The following POLE2 variants were observed in gnomAD, a reference collection of about 807,000 sequenced individuals.
POLE2 encodes DNA polymerase epsilon subunit 2.
POLE2 carries 56 observed loss-of-function variants against 79.4 expected under a neutral mutation model. The observed-to-expected ratio is 0.71, with a 90% confidence interval of 0.57 to 0.88. The LOEUF (loss-of-function observed/expected upper bound fraction) is 0.88, where lower values mean the gene tolerates loss of function less well. Ranked by LOEUF, POLE2 falls within the 40% of genes least tolerant of loss-of-function variation. The probability of loss-of-function intolerance (pLI) is 0.00; values close to 1 mark genes in which losing one functional copy is unlikely to be tolerated. For missense variants in POLE2, 598 were observed against 638.9 expected (o/e 0.94, Z 0.69); for synonymous variants, 212 against 214.0 (o/e 0.99, Z 0.08).
At chr14:49,660,660 G>A (rs2139639754) in intron 10 of POLE2, among the ~76,000 whole-genome samples, 1 of 152,244 alleles carries the variant, frequency 6.6e-6, no homozygotes, top group Non-Finnish European at 1.5e-5. Context: ...GGGAGGCCGA[G>A]GCCAGTGGAT....
At chr14:49,658,288 G>A (rs1163371221) in intron 10 of POLE2, among the ~76,000 whole-genome samples, 1 of 152,108 alleles carries the variant, frequency 6.6e-6, no homozygotes, top group Non-Finnish European at 1.5e-5. Flanking sequence ...GTGTTAGCCA[G>A]GATGGTCTCG....
At chr14:49,683,030 G>A (rs115427503) in intron 2 of POLE2, among the ~76,000 whole-genome samples, 1,696 of 151,208 alleles carry the variant, frequency 0.011, 32 homozygotes, top group African/African-American at 0.039. Context: ...CTCCACTGGG[G>A]GAAAGGAACT....
chr14:49,646,435 GCCT>G (rs1289023960), intron 18 of POLE2: 1 of 147,320 alleles, frequency 6.8e-6, no homozygotes, highest in African/African-American at 2.5e-5. Flanking sequence ...TCCTGCCTTA[GCCT>G]CCTTCTCCTG....
intron 11 of POLE2, 27 bp from the exon 12 acceptor site, chr14:49,655,121 A>T: frequency 8.9e-7 from 1 of 1,126,344 alleles, no homozygotes; most frequent in African/African-American, 1.6e-5. Flanking sequence ...TAAATGAACA[A>T]TACTTTTCTA....
intron 15 of POLE2, 68 bp from the exon 16 acceptor site, chr14:49,651,445 C>A (rs45583733): frequency 2.4e-5 from 16 of 674,796 alleles, no homozygotes; most frequent in East Asian, 1.1e-4. Flanking sequence ...AAGGTAAAAT[C>A]TCTTACAATA....
rs2139649414 is a variant in POLE2, at chr14:49,664,690, G to C, written c.634-16C>G. 1 of 1,523,522 alleles carries C rather than the reference G, an allele frequency of 6.6e-7. No individual in the cohort carries two copies. Among genetic ancestry groups the C allele is most frequent in the South Asian group, 1.1e-5 (1 of 88,528 alleles). 94.4% of individuals were successfully genotyped at this position (1,523,522 alleles called of 1,614,324 possible). A position where few individuals can be genotyped will look rare whatever the true frequency, so the allele number is the denominator to read the frequency against. ...TATGGAACTGGTACACAACAGTTGA[G>C]GAAAATAATTCTATTCTTGAGGCAG... On this transcript the variant is annotated splice_polypyrimidine_tract_variant and intron_variant, in intron 8 of 18. Coordinates refer to ENST00000216367, the MANE Select transcript of POLE2 (RefSeq NM_002692.4).
intron 16 of POLE2, 105 bp downstream of exon 16, chr14:49,651,164 C>T (rs937757195): frequency 5.4e-6 from 3 of 553,664 alleles, no homozygotes; most frequent in African/African-American, 1.9e-5. Flanking sequence ...CTATTTTGAA[C>T]CATAAATAAA....
chr14:49,660,253 T>G (rs1471213916), intron 10 of POLE2, among the ~76,000 whole-genome samples: 2 of 152,202 alleles, frequency 1.3e-5, no homozygotes, highest in Non-Finnish European at 2.9e-5. Context: ...TGGTGTACAG[T>G]GGGCTATATC....
At chr14:49,674,262 G>A in intron 4 of POLE2, 46 bp from the exon 5 acceptor site, 1 of 1,492,814 alleles carries the variant, frequency 6.7e-7, no homozygotes, top group East Asian at 2.3e-5. Flanking sequence ...ATACACAAAG[G>A]TGAGCCAAAA....
intron 5 of POLE2, among the ~76,000 whole-genome samples, chr14:49,671,992 A>G (rs982177806): frequency 6.6e-6 from 1 of 152,160 alleles, no homozygotes; most frequent in African/African-American, 2.4e-5. Context: ...ACTGCATCCA[A>G]CTGAAGATCA....
In POLE2 at chr14:49,674,500, C is replaced by T. The variant is rs777505456; in HGVS notation, c.246-73G>A. ...TACTCTAGGTGAACATGATAACTTGCATTATAAGTATTTGTAATAACACAC... is the reference window on the plus strand; with the variant it reads ...TACTCTAGGTGAACATGATAACTTGTATTATAAGTATTTGTAATAACACAC... On this transcript the variant is annotated intron_variant, in intron 3 of 18. Coordinates refer to ENST00000216367, the MANE Select transcript of POLE2 (RefSeq NM_002692.4). 1.0e-4 allele frequency: 87 copies of T among 852,774 alleles called. 1 individual carries two copies. Among genetic ancestry groups the T allele is most frequent in the Non-Finnish European group, 1.5e-4 (78 of 512,348 alleles). The allele number at this position is 852,774 out of a possible 1,614,324, so 52.8% of individuals were successfully genotyped here.
chr14:49,649,021 C>A (rs577527168), intron 17 of POLE2, among the ~76,000 whole-genome samples: 1 of 151,798 alleles, frequency 6.6e-6, no homozygotes, highest in African/African-American at 2.4e-5. Flanking sequence ...ATCAAGGAAG[C>A]ATGCATATTA....
chr14:49,658,048 C>T (rs1884826408), intron 10 of POLE2, among the ~76,000 whole-genome samples: 3 of 151,928 alleles, frequency 2.0e-5, no homozygotes, highest in East Asian at 1.9e-4. Context: ...CCCTGTACTG[C>T]TCCCTGCAGT....
chr14:49,671,561 G>A (rs1885894187), intron 5 of POLE2, among the ~76,000 whole-genome samples: 1 of 149,480 alleles, frequency 6.7e-6, no homozygotes, highest in African/African-American at 2.5e-5. Context: ...AAGTTGCAGT[G>A]AGCCGGGATT....
Position 49,674,110 on chromosome 14 carries a change from C to T in POLE2, c.417+13G>A. 6.6e-7 allele frequency: 1 copy of T among 1,506,836 alleles called. No homozygotes were observed. Among genetic ancestry groups the T allele is most frequent in the Admixed American group, 1.7e-5 (1 of 59,866 alleles). The allele number at this position is 1,506,836 out of a possible 1,614,324, so 93.3% of individuals were successfully genotyped here. Reference sequence around the variant, plus strand: ...TACCCAGTATCCTCCCCTCCGCCCCCTACCAAACTTACCTGGTGCAAAATG... The same window carrying T: ...TACCCAGTATCCTCCCCTCCGCCCCTTACCAAACTTACCTGGTGCAAAATG... On this transcript the variant is annotated intron_variant, in intron 5 of 18. Transcript: ENST00000216367.
At chr14:49,675,241 C>T (rs750837609) in intron 3 of POLE2, among the ~76,000 whole-genome samples, 2 of 151,874 alleles carry the variant, frequency 1.3e-5, no homozygotes, top group East Asian at 2.0e-4. Flanking sequence ...TGCACCACCA[C>T]GCCCAGCTAA....
chr14:49,687,630 A>G (rs555700300), intron 1 of POLE2, among the ~76,000 whole-genome samples: 1 of 152,036 alleles, frequency 6.6e-6, no homozygotes, highest in African/African-American at 2.4e-5. Context: ...CGGCCCGCCT[A>G]GAAGAAACAT....
rs764605272 is a variant in POLE2, at chr14:49,674,341, C to CA, written c.323+8dup. ...AAATTAATTTAAAATCAGTGGATGA[C>CA]ATACTTACGGAAGAAATTTTTTTCT... On this transcript the variant is annotated intron_variant, in intron 4 of 18. Transcript: ENST00000216367. 1.9e-6 allele frequency: 3 copies of CA among 1,567,370 alleles called. No individual in the cohort carries two copies. The highest frequency in any genetic ancestry group is 2.6e-6 in the Non-Finnish European group (3 of 1,138,120).
chr14:49,643,941 G>A lies in POLE2; in HGVS notation c.1566-271C>T, dbSNP rs147452971. On this transcript the variant is annotated intron_variant, in intron 18 of 18. Coordinates refer to ENST00000216367, the MANE Select transcript of POLE2 (RefSeq NM_002692.4). ...GTTGCCCAGGCTGGAGTGCAATGGC[G>A]TAATCTCGGTTCACCGCAACCTCTG... Among the ~76,000 whole-genome samples, 1,065 of 136,908 alleles carry A rather than the reference G, an allele frequency of 7.8e-3. 5 individuals carry two copies. Among genetic ancestry groups the A allele is most frequent in the Middle Eastern group, 0.017 (4 of 232 alleles). 89.8% of individuals were successfully genotyped at this position (136,908 alleles called of 152,430 possible).
Sources: gnomAD v4.1 joint callset for allele counts (sites outside exome capture counted in the v4.1 genomes callset) on GRCh38, gnomAD v4.1.1 for gene constraint, MANE v1.5 for transcripts, NCBI Gene and HGNC (gene_info 2026-07-23, HGNC 2026-07-21) for gene names.